TUT7: variants seen among roughly 807,000 people sequenced by gnomAD.
TUT7 encodes terminal uridylyltransferase 7.
In TUT7, 33 loss-of-function variants were observed where a neutral mutation model predicts 165.9. The ratio of observed to expected loss-of-function variants is 0.20; its 90% CI spans 0.15 to 0.27. The LOEUF (loss-of-function observed/expected upper bound fraction) is 0.27. Among genes scored for constraint, TUT7 ranks in the 10% least tolerant of loss-of-function variants. TUT7 has a pLI of 1.00. For missense variants in TUT7, 1,338 were observed against 1,762.3 expected, an observed-to-expected ratio of 0.76 and a Z score of 4.31; for synonymous variants, 552 against 608.1, an observed-to-expected ratio of 0.91 and a Z score of 1.36.
intron 11 of TUT7, chr9:86,326,641 A>C (rs1443107863): frequency 6.5e-6 from 1 of 154,360 alleles, no homozygotes; most frequent in East Asian, 1.9e-4. Flanking sequence ...CACCACTGTA[A>C]GATGCTCTTA....
At chr9:86,353,909 T>C (rs1462789410) in intron 1 of TUT7, among the ~76,000 whole-genome samples, 1 of 152,218 alleles carries the variant, frequency 6.6e-6, no homozygotes, top group Non-Finnish European at 1.5e-5. Flanking sequence ...AGCAATTCCC[T>C]GAGGAATGAC....
chr9:86,329,915 G>C (rs959627676), intron 10 of TUT7, among the ~76,000 whole-genome samples: 1 of 151,972 alleles, frequency 6.6e-6, no homozygotes, highest in East Asian at 1.9e-4. Flanking sequence ...TTTCTCTAAG[G>C]AGCTCCACAT....
intron 2 of TUT7, among the ~76,000 whole-genome samples, chr9:86,351,807 C>G (rs1003247656): frequency 7.9e-5 from 12 of 152,138 alleles, no homozygotes; most frequent in African/African-American, 2.7e-4. Flanking sequence ...CTAAAAAACG[C>G]TTTCAGCCAC....
At chr9:86,319,274 G>C (rs1449841008) in intron 15 of TUT7, among the ~76,000 whole-genome samples, 1 of 152,102 alleles carries the variant, frequency 6.6e-6, no homozygotes, top group Admixed American at 6.5e-5. Flanking sequence ...AAGATTACCA[G>C]GTGCTCCTTT....
In TUT7 at chr9:86,288,583, T is replaced by G; in HGVS notation, c.*94A>C. The G allele has an allele frequency of 1.5e-5, 12 of 798,438 alleles. No homozygotes were observed. The highest frequency in any genetic ancestry group is 2.2e-5 in the African/African-American group (1 of 46,296). The allele number at this position is 798,438 out of a possible 1,614,324, so 49.5% of individuals were successfully genotyped here. On this transcript the variant is annotated 3_prime_UTR_variant, in exon 27 of 27. Transcript: ENST00000375963. ...TTCCCTTAAATGTTAAGTTGAAGCC[T>G]GATCTACACTGCTGTGTCCTGTGAA...
chr9:86,290,415 G>A (rs2147061), intron 26 of TUT7, among the ~76,000 whole-genome samples: 55,950 of 151,916 alleles, frequency 0.37, 11,197 homozygotes, highest in Middle Eastern at 0.59. Flanking sequence ...TATCAGCCAG[G>A]GAATTCAGTA....
At chr9:86,294,357 T>C (rs1252441976) in intron 26 of TUT7, among the ~76,000 whole-genome samples, 1 of 149,902 alleles carries the variant, frequency 6.7e-6, no homozygotes, top group African/African-American at 2.4e-5. Flanking sequence ...ATGCCTCTAA[T>C]AAAAATCCAA....
At chr9:86,331,348 T>C (rs1440492797) in intron 10 of TUT7, among the ~76,000 whole-genome samples, 3 of 152,214 alleles carry the variant, frequency 2.0e-5, no homozygotes, top group African/African-American at 7.2e-5. Context: ...TATAGTGTTT[T>C]ATAAATATTA....
chr9:86,316,038 A>G (rs902265605), intron 17 of TUT7, among the ~76,000 whole-genome samples: 6 of 152,186 alleles, frequency 3.9e-5, no homozygotes, highest in Non-Finnish European at 8.8e-5. Context: ...GAAATGTACA[A>G]AAACTTTTCA....
intron 17 of TUT7, among the ~76,000 whole-genome samples, chr9:86,316,875 A>T (rs1018243267): frequency 1.3e-5 from 2 of 152,108 alleles, no homozygotes; most frequent in African/African-American, 4.8e-5. Flanking sequence ...TATTTAAGAG[A>T]AAAAAGCAAC....
intron 10 of TUT7, among the ~76,000 whole-genome samples, chr9:86,330,584 G>A (rs1354977228): frequency 6.6e-6 from 1 of 152,192 alleles, no homozygotes; most frequent in African/African-American, 2.4e-5. Context: ...AAGAGCTGCA[G>A]TTTTAGAATT....
chr9:86,320,257 CAAA>C (rs10656642), intron 14 of TUT7, among the ~76,000 whole-genome samples: 3 of 112,336 alleles, frequency 2.7e-5, no homozygotes, highest in East Asian at 2.8e-4. Flanking sequence ...AAAAATTTCC[CAAA>C]AAAAAAAAAA....
chr9:86,347,411 A>G (rs1831869211), intron 2 of TUT7, among the ~76,000 whole-genome samples: 1 of 152,248 alleles, frequency 6.6e-6, no homozygotes, highest in Non-Finnish European at 1.5e-5. Flanking sequence ...TGAAACTATT[A>G]GTAACACATT....
At position 86,322,730 on chromosome 9, in the gene TUT7, A is replaced by ACC. The variant is rs910874464; in HGVS notation, c.2877+141_2877+142dup. 14 of 1,036,998 alleles carry ACC rather than the reference A, an allele frequency of 1.4e-5. No homozygotes were observed. The African/African-American group carries it at 2.1e-4, about 16-fold the overall frequency. The allele number at this position is 1,036,998 out of a possible 1,614,324, so 64.2% of individuals were successfully genotyped here. A position where few individuals can be genotyped will look rare whatever the true frequency, so the allele number is the denominator to read the frequency against. ...CCATGAGTCTTAAGGAGAAAAGCAG[A>ACC]CCGAGCAGTCATATCAGAATGAAAG... On this transcript the variant is annotated intron_variant, in intron 13 of 26. Transcript: ENST00000375963.
rs2052938453 is a variant in TUT7, at chr9:86,323,187, C to T, written c.2563G>A (p.Glu855Lys). 2 of 1,614,054 alleles carry T rather than the reference C, an allele frequency of 1.2e-6. No individual in the cohort carries two copies. The highest frequency in any genetic ancestry group is 1.3e-5 in the African/African-American group (1 of 74,930). Residue 855 changes from glutamate (E) to lysine (K), a missense_variant, in exon 13 of 27, where the codon GAG becomes AAG. By Grantham distance (56) the Glu-to-Lys change is moderately conservative. This residue lies in a region of TUT7 where 425 missense variants were observed against 474.9 expected (regional missense o/e 0.89). Coordinates refer to ENST00000375963, the MANE Select transcript of TUT7 (RefSeq NM_024617.4). The part of the protein sequence containing the change: ...DEEEEDDEEE[E>K]EEEEPRLTIN... ...GTGAGCCTAGGTTCTTCTTCCTCCT[C>T]CTCTTCTTCGTCGTCCTCCTCCTCT...
At chr9:86,333,381 A>G (rs1318174221) in intron 10 of TUT7, among the ~76,000 whole-genome samples, 6 of 151,974 alleles carry the variant, frequency 3.9e-5, no homozygotes, top group African/African-American at 1.2e-4. Context: ...ATATGTTTCA[A>G]CCTTGACTAA....
intron 14 of TUT7, among the ~76,000 whole-genome samples, chr9:86,322,088 A>AT (rs1397454567): frequency 1.3e-5 from 2 of 152,146 alleles, no homozygotes; most frequent in African/African-American, 2.4e-5. Context: ...AATTTAAAAA[A>AT]AAATTTTTTT....
intron 26 of TUT7, among the ~76,000 whole-genome samples, chr9:86,297,611 T>A (rs1826446228): frequency 6.6e-6 from 1 of 152,150 alleles, no homozygotes; most frequent in South Asian, 2.1e-4. Flanking sequence ...GAGGATCACA[T>A]GAGGCCAGGA....
intron 26 of TUT7, among the ~76,000 whole-genome samples, chr9:86,291,757 CTAATTA>C (rs1458331358): frequency 6.6e-6 from 1 of 152,186 alleles, no homozygotes; most frequent in African/African-American, 2.4e-5. Context: ...GGTGGGAGTT[CTAATTA>C]TTTCAGCCAA....
Sources: gnomAD v4.1 joint callset for allele counts (sites outside exome capture counted in the v4.1 genomes callset) on GRCh38, gnomAD v4.1.1 for gene constraint, gnomAD v4.1.1 regional missense constraint, MANE v1.5 for transcripts, NCBI Gene and HGNC (gene_info 2026-07-23, HGNC 2026-07-21) for gene names.